The following SIK3 variants were observed in gnomAD, a reference collection of about 807,000 sequenced individuals.
The protein encoded by SIK3 is serine/threonine-protein kinase SIK3.
Under a neutral mutation model 144.2 loss-of-function variants are expected in SIK3, and 28 were observed. The ratio of observed to expected loss-of-function variants is 0.19; its 90% CI spans 0.14 to 0.27. The LOEUF is 0.27. Ranked by LOEUF, SIK3 falls within the 10% of genes least tolerant of loss-of-function variation. The pLI, the probability that SIK3 is intolerant of heterozygous loss-of-function variation, is 1.00. For missense variants in SIK3, 1,319 were observed against 1,776.0 expected (o/e 0.74, Z 4.62); for synonymous variants, 686 against 676.3 (o/e 1.01, Z -0.22).
intron 1 of SIK3, among the ~76,000 whole-genome samples, chr11:117,061,182 G>A (rs61903394): frequency 0.16 from 24,850 of 151,888 alleles, 2,143 homozygotes; most frequent in Admixed American, 0.21. Context: ...AGAAGTTCAG[G>A]GCTGTGGTAA....
rs770119691 is a variant in SIK3, at chr11:116,939,210, C to T, written c.455-11830G>A. ...TCACCCAGGCTGTAGTGCAATGGCG[C>T]GGACTCAGCTCACTGCAACCTCCGC... is the stretch of plus-strand genomic sequence containing the variant. On this transcript the variant is annotated intron_variant, in intron 3 of 24. Coordinates refer to ENST00000445177, the MANE Select transcript of SIK3 (RefSeq NM_001366686.3). 3.3e-5 allele frequency among the ~76,000 whole-genome samples: 5 copies of T among 152,160 alleles called. No homozygotes were observed. In the South Asian group the frequency reaches 1.0e-3, roughly 31 times the overall value.
At chr11:116,991,751 T>TC (rs2135560126) in intron 1 of SIK3, among the ~76,000 whole-genome samples, 1 of 152,216 alleles carries the variant, frequency 6.6e-6, no homozygotes, top group South Asian at 2.1e-4. Flanking sequence ...TCCCCTCCTA[T>TC]CCCCATACTT....
At position 116,911,826 on chromosome 11, in the gene SIK3, C is replaced by T. The variant is rs1484761558; in HGVS notation, c.617-14509G>A. The stretch of plus-strand genomic sequence containing the variant: ...TTATGTAATTCTCAGGTACTGATGC[C>T]GATAAAATACTTGATATCCCTTACT... On this transcript the variant is annotated intron_variant, in intron 4 of 24. Transcript: ENST00000445177. 6.6e-5 allele frequency among the ~76,000 whole-genome samples: 10 copies of T among 151,978 alleles called. No individual in the cohort carries two copies. The East Asian group carries it at 1.2e-3, about 18-fold the overall frequency.
intron 1 of SIK3, among the ~76,000 whole-genome samples, chr11:117,031,924 C>A (rs1413720488): frequency 6.6e-6 from 1 of 152,006 alleles, no homozygotes; most frequent in Non-Finnish European, 1.5e-5. Flanking sequence ...TAATAAAAAA[C>A]CACTGAATTT....
chr11:116,969,289 CAAAAAAAAA>C (rs60102923), intron 1 of SIK3, among the ~76,000 whole-genome samples: 2 of 73,608 alleles, frequency 2.7e-5, no homozygotes, highest in South Asian at 5.0e-4. Flanking sequence ...GACTCCGTCT[CAAAAAAAAA>C]AAAAAAAAAA....
At chr11:116,874,130 G>T in intron 11 of SIK3, 74 bp from the exon 12 acceptor site, 2 of 1,421,356 alleles carry the variant, frequency 1.4e-6, no homozygotes, top group Non-Finnish European at 2.0e-6. Flanking sequence ...CAAAACTGAT[G>T]GCATTGCTAT....
intron 1 of SIK3, among the ~76,000 whole-genome samples, chr11:117,025,766 A>G (rs1951983211): frequency 6.6e-6 from 1 of 152,140 alleles, no homozygotes; most frequent in South Asian, 2.1e-4. Flanking sequence ...CAGACTGCAG[A>G]GCATTATATA....
chr11:116,942,929 G>C (rs1434687680), intron 3 of SIK3, among the ~76,000 whole-genome samples: 3 of 152,124 alleles, frequency 2.0e-5, no homozygotes, highest in Non-Finnish European at 4.4e-5. Flanking sequence ...GCTATAATCG[G>C]GGGGGAAGTC....
At chr11:117,067,899 G>A (rs1591643684) in intron 1 of SIK3, among the ~76,000 whole-genome samples, 2 of 152,056 alleles carry the variant, frequency 1.3e-5, no homozygotes, top group African/African-American at 4.8e-5. Context: ...AGGCAGAATC[G>A]CTTCAACCCG....
chr11:116,954,165 A>G (rs1949054375), intron 2 of SIK3, 58 bp from the exon 3 acceptor site: 7 of 1,379,064 alleles, frequency 5.1e-6, no homozygotes, highest in Middle Eastern at 1.8e-4. Context: ...TGATACAGGA[A>G]GATAAACTAA....
At chr11:117,044,564 C>T (rs1424246920) in intron 1 of SIK3, among the ~76,000 whole-genome samples, 1 of 151,782 alleles carries the variant, frequency 6.6e-6, no homozygotes, top group East Asian at 1.9e-4. Context: ...TAAATAGCAC[C>T]AAGCCTGGTC....
At chr11:117,096,838 A>C (rs1244565808) in intron 1 of SIK3, among the ~76,000 whole-genome samples, 1 of 152,162 alleles carries the variant, frequency 6.6e-6, no homozygotes, top group Non-Finnish European at 1.5e-5. Context: ...CTGCCAAAAA[A>C]GCAAAAACAA....
rs545459086 is a variant in SIK3, at chr11:116,918,866, T to C, written c.616+8353A>G. ...CAGGAATAGGATTCAAGAGAGATAA[T>C]ATTTCAAATTTTCTTTTCCCAAGGG... On this transcript the variant is annotated intron_variant, in intron 4 of 24. Transcript: ENST00000445177. Among the ~76,000 whole-genome samples, 9 of 152,324 alleles carry C rather than the reference T, an allele frequency of 5.9e-5. No individual in the cohort carries two copies. The South Asian group carries it at 1.4e-3, about 25-fold the overall frequency.
rs527613773 is a variant in SIK3, at chr11:116,869,779, T to C, written c.1808+552A>G. On this transcript the variant is annotated intron_variant, in intron 14 of 24. Coordinates refer to ENST00000445177, the MANE Select transcript of SIK3 (RefSeq NM_001366686.3). ...TGAGTTAGGCATCTCTCAACAAGGTTCTGTAAACAATGGATATTTGCATCT... is the reference window on the plus strand; with the variant it reads ...TGAGTTAGGCATCTCTCAACAAGGTCCTGTAAACAATGGATATTTGCATCT... 3 of 263,676 alleles carry C rather than the reference T, an allele frequency of 1.1e-5. No homozygotes were observed. In the Admixed American group the frequency reaches 1.5e-4, roughly 13 times the overall value. 16.3% of individuals were successfully genotyped at this position (263,676 alleles called of 1,614,324 possible). A position where few individuals can be genotyped will look rare whatever the true frequency, so the allele number is the denominator to read the frequency against.
At chr11:116,974,014 C>A (rs573434354) in intron 1 of SIK3, among the ~76,000 whole-genome samples, 2 of 152,226 alleles carry the variant, frequency 1.3e-5, no homozygotes, top group Non-Finnish European at 2.9e-5. Flanking sequence ...AAAGTATGAA[C>A]TTTAATAAGG....
intron 1 of SIK3, among the ~76,000 whole-genome samples, chr11:117,018,955 A>G (rs1431184351): frequency 2.0e-5 from 3 of 151,430 alleles, no homozygotes; most frequent in Non-Finnish European, 2.9e-5. Flanking sequence ...TAGGTGATCC[A>G]CCCGCCTTGG....
chr11:117,032,441 G>C (rs554874920), intron 1 of SIK3, among the ~76,000 whole-genome samples: 1 of 152,140 alleles, frequency 6.6e-6, no homozygotes, highest in African/African-American at 2.4e-5. Flanking sequence ...GGTATTGCAT[G>C]TATTTCCATG....
Position 116,859,273 on chromosome 11 carries a change from C to G in SIK3, c.2757G>C (p.Glu919Asp), listed in dbSNP as rs772029832. Residue 919 changes from glutamate (E) to aspartate (D), a missense_variant, in exon 20 of 25, where the codon GAG becomes GAC. Physicochemically the swap from Glu to Asp is conservative, Grantham distance 45. Transcript: ENST00000445177. ...ACGTTAGGCGGTCTTACCTGTGAGC[C>G]TCTGCACTGTCAGCACTCAGCTGCT... ...LSKQLSADSA[E>D]AHSLNVNRFS... is the part of the protein sequence containing the mutation. 1 of 1,606,148 alleles carries G rather than the reference C, an allele frequency of 6.2e-7. No homozygotes were observed.
At chr11:116,913,938 A>G (rs1946475832) in intron 4 of SIK3, among the ~76,000 whole-genome samples, 1 of 152,036 alleles carries the variant, frequency 6.6e-6, no homozygotes. Flanking sequence ...AAACAAAACA[A>G]AAACCTTTTT....
Sources: gnomAD v4.1 joint callset for allele counts (sites outside exome capture counted in the v4.1 genomes callset) on GRCh38, gnomAD v4.1.1 for gene constraint, MANE v1.5 for transcripts, NCBI Gene and HGNC (gene_info 2026-07-23, HGNC 2026-07-21) for gene names.